The following MACROD2 variants were observed in gnomAD, a reference collection of about 807,000 sequenced individuals.
MACROD2 encodes ADP-ribose glycohydrolase MACROD2.
Under a neutral mutation model 70.4 loss-of-function variants are expected in MACROD2, and 36 were observed. The ratio of observed to expected loss-of-function variants is 0.51; its 90% confidence interval spans 0.39 to 0.68. The LOEUF (loss-of-function observed/expected upper bound fraction) is 0.68, where lower values mean the gene tolerates loss of function less well. MACROD2 is among the 30% of genes least tolerant of loss of function. The pLI is 0.00. For synonymous variants in MACROD2, 172 were observed against 178.8 expected (o/e 0.96, Z 0.30); for missense variants, 496 against 538.4 (o/e 0.92, Z 0.78).
intron 8 of MACROD2, among the ~76,000 whole-genome samples, chr20:15,528,226 C>T (rs549349927): frequency 2.6e-5 from 4 of 152,278 alleles, no homozygotes; most frequent in Non-Finnish European, 4.4e-5. Context: ...CCTCCACCTC[C>T]CGGGCTCAAA....
At chr20:14,619,905 A>G (rs902911578) in intron 4 of MACROD2, among the ~76,000 whole-genome samples, 1 of 152,188 alleles carries the variant, frequency 6.6e-6, no homozygotes. Flanking sequence ...TAGAGCCTCC[A>G]CTGTCTGAAA....
At chr20:15,095,367 G>A (rs1047544572) in intron 5 of MACROD2, among the ~76,000 whole-genome samples, 1 of 151,728 alleles carries the variant, frequency 6.6e-6, no homozygotes, top group Non-Finnish European at 1.5e-5. Flanking sequence ...GAGCCACCAC[G>A]CCCGGCCTGC....
chr20:15,177,084 CT>C (rs1237232666), intron 5 of MACROD2, among the ~76,000 whole-genome samples: 1 of 152,204 alleles, frequency 6.6e-6, no homozygotes, highest in African/African-American at 2.4e-5. Flanking sequence ...AGACCCTGCA[CT>C]CACTTGCCCA....
chr20:15,445,930 T>G (rs2046559976), intron 7 of MACROD2, among the ~76,000 whole-genome samples: 1 of 152,076 alleles, frequency 6.6e-6, no homozygotes, highest in Non-Finnish European at 1.5e-5. Context: ...CCCAGGATGG[T>G]CCACTTGCTG....
intron 6 of MACROD2, among the ~76,000 whole-genome samples, chr20:15,301,418 C>G (rs764544955): frequency 2.0e-5 from 3 of 152,104 alleles, no homozygotes; most frequent in Non-Finnish European, 4.4e-5. Context: ...CAGCTGGGCT[C>G]ATGGTCACCA....
At chr20:14,397,317 T>C (rs1453381346) in intron 3 of MACROD2, among the ~76,000 whole-genome samples, 1 of 152,178 alleles carries the variant, frequency 6.6e-6, no homozygotes, top group Non-Finnish European at 1.5e-5. Context: ...AACATAAATA[T>C]TGATATTGCT....
At chr20:15,298,663 A>G (rs1049019532) in intron 6 of MACROD2, among the ~76,000 whole-genome samples, 1 of 152,190 alleles carries the variant, frequency 6.6e-6, no homozygotes, top group Non-Finnish European at 1.5e-5. Flanking sequence ...AAAAATTTGC[A>G]TTTTAGGTGG....
intron 4 of MACROD2, among the ~76,000 whole-genome samples, chr20:14,571,142 G>A (rs983157616): frequency 2.0e-5 from 3 of 152,050 alleles, no homozygotes; most frequent in Admixed American, 2.0e-4. Flanking sequence ...GGTCTCAGAT[G>A]TACACCTTGA....
At chr20:15,084,422 T>C (rs761040313) in intron 5 of MACROD2, among the ~76,000 whole-genome samples, 24 of 152,130 alleles carry the variant, frequency 1.6e-4, no homozygotes, top group Non-Finnish European at 1.8e-4. Context: ...GAGATCACCA[T>C]AGCCATGTGG....
intron 15 of MACROD2, among the ~76,000 whole-genome samples, chr20:15,999,685 ATCT>A: frequency 6.6e-6 from 1 of 152,354 alleles, no homozygotes; most frequent in East Asian, 1.9e-4. Flanking sequence ...ACAATTGTAC[ATCT>A]TCTTGATAAA....
chr20:15,758,090 C>T (rs1376123381), intron 8 of MACROD2, among the ~76,000 whole-genome samples: 1 of 151,896 alleles, frequency 6.6e-6, no homozygotes, highest in African/African-American at 2.4e-5. Context: ...TTAGGATAGA[C>T]AGTTGCTTTA....
At chr20:14,939,595 A>G (rs1293166634) in intron 5 of MACROD2, among the ~76,000 whole-genome samples, 2 of 152,122 alleles carry the variant, frequency 1.3e-5, no homozygotes, top group African/African-American at 4.8e-5. Flanking sequence ...TTCCATATCA[A>G]TTTTAGGATT....
intron 4 of MACROD2, among the ~76,000 whole-genome samples, chr20:14,580,857 G>A (rs896502817): frequency 6.6e-6 from 1 of 152,102 alleles, no homozygotes; most frequent in African/African-American, 2.4e-5. Context: ...TACTTTGGGG[G>A]CAAACATCCA....
At chr20:15,541,818 G>C (rs2047960035) in intron 8 of MACROD2, among the ~76,000 whole-genome samples, 1 of 152,146 alleles carries the variant, frequency 6.6e-6, no homozygotes, top group Non-Finnish European at 1.5e-5. Flanking sequence ...CACAACCTTT[G>C]AAAAGAATCT....
At chr20:15,712,212 T>C (rs76772511) in intron 8 of MACROD2, among the ~76,000 whole-genome samples, 15,798 of 152,266 alleles carry the variant, frequency 0.1, 981 homozygotes, top group African/African-American at 0.17. Context: ...GTCAATATTT[T>C]AAGCTTTGTG....
intron 5 of MACROD2, among the ~76,000 whole-genome samples, chr20:14,821,858 C>A (rs2072848790): frequency 2.0e-5 from 3 of 152,016 alleles, no homozygotes; most frequent in Admixed American, 2.0e-4. Context: ...GTAAAGCCTG[C>A]CAGTGTATAC....
intron 6 of MACROD2, among the ~76,000 whole-genome samples, chr20:15,296,502 C>T (rs1321549091): frequency 6.6e-6 from 1 of 151,974 alleles, no homozygotes; most frequent in Non-Finnish European, 1.5e-5. Flanking sequence ...AACATAAAGA[C>T]CAAATTTGGT....
chr20:14,272,894 G>A (rs373696565), intron 3 of MACROD2, among the ~76,000 whole-genome samples: 2 of 151,866 alleles, frequency 1.3e-5, no homozygotes, highest in African/African-American at 2.4e-5. Flanking sequence ...AAAGAGACAA[G>A]GAAGGCCATT....
chr20:14,869,226 G>A (rs1487539136), intron 5 of MACROD2, among the ~76,000 whole-genome samples: 1 of 151,980 alleles, frequency 6.6e-6, no homozygotes, highest in Non-Finnish European at 1.5e-5. Flanking sequence ...ATGTGCTAGA[G>A]TAGAAAAAAT....
Sources: gnomAD v4.1 joint callset for allele counts (sites outside exome capture counted in the v4.1 genomes callset) on GRCh38, gnomAD v4.1.1 for gene constraint, MANE v1.5 for transcripts, NCBI Gene and HGNC (gene_info 2026-07-23, HGNC 2026-07-21) for gene names.